TOGARAM1: variants seen among roughly 807,000 people sequenced by gnomAD.
TOGARAM1 encodes TOG array regulator of axonemal microtubules protein 1.
A neutral mutation model predicts 166.6 loss-of-function variants in TOGARAM1; 100 were observed. The ratio of observed to expected loss-of-function variants is 0.60; its 90% CI spans 0.51 to 0.71. The LOEUF is 0.71. Ranked by LOEUF, TOGARAM1 falls within the 30% of genes least tolerant of loss-of-function variation. TOGARAM1 has a pLI of 0.00. For synonymous variants in TOGARAM1, 758 were observed against 763.8 expected (o/e 0.99, Z 0.13); for missense variants, 2,029 against 2,102.7 (o/e 0.96, Z 0.69).
At chr14:44,971,688 A>G (rs1205375772) in intron 1 of TOGARAM1, among the ~76,000 whole-genome samples, 2 of 152,202 alleles carry the variant, frequency 1.3e-5, no homozygotes, top group African/African-American at 2.4e-5. Flanking sequence ...CTTCAGTGCC[A>G]TAAATTTCCT....
chr14:44,982,805 T>C (rs1886602405), intron 1 of TOGARAM1, among the ~76,000 whole-genome samples: 1 of 152,240 alleles, frequency 6.6e-6, no homozygotes, highest in Non-Finnish European at 1.5e-5. Context: ...ATTTAGCACA[T>C]GTGAGTCATT....
chr14:44,970,625 AGTG>A (rs939784612), intron 1 of TOGARAM1, among the ~76,000 whole-genome samples: 8 of 152,296 alleles, frequency 5.3e-5, no homozygotes, highest in Non-Finnish European at 1.2e-4. Flanking sequence ...TTCTAATCTT[AGTG>A]GGAAAGTTTT....
At chr14:45,064,066 T>C (rs1486312565) in intron 16 of TOGARAM1, among the ~76,000 whole-genome samples, 25 of 152,150 alleles carry the variant, frequency 1.6e-4, no homozygotes, top group Non-Finnish European at 2.9e-5. Context: ...TTAGTAATTT[T>C]CTATCCACTG....
intron 16 of TOGARAM1, among the ~76,000 whole-genome samples, chr14:45,065,373 T>C (rs1232162228): frequency 6.6e-6 from 1 of 152,056 alleles, no homozygotes; most frequent in Non-Finnish European, 1.5e-5. Flanking sequence ...ACACCAACAC[T>C]AATGATGGCT....
At chr14:45,063,259 T>C (rs934696000) in intron 16 of TOGARAM1, among the ~76,000 whole-genome samples, 4 of 152,170 alleles carry the variant, frequency 2.6e-5, no homozygotes, top group African/African-American at 9.7e-5. Flanking sequence ...TTTGGTTTTG[T>C]TGTGGACATA....
intron 1 of TOGARAM1, among the ~76,000 whole-genome samples, chr14:44,970,235 C>T (rs1457445236): frequency 1.3e-5 from 2 of 152,138 alleles, no homozygotes; most frequent in Non-Finnish European, 2.9e-5. Flanking sequence ...TCTATACTTT[C>T]CTCATATAGA....
chr14:45,065,345 C>T (rs1883091194), intron 16 of TOGARAM1, among the ~76,000 whole-genome samples: 2 of 152,088 alleles, frequency 1.3e-5, no homozygotes, highest in Admixed American at 6.6e-5. Flanking sequence ...GAAGAATTGT[C>T]TTGGCCACAC....
intron 12 of TOGARAM1, among the ~76,000 whole-genome samples, chr14:45,044,360 G>T (rs540582785): frequency 6.6e-6 from 1 of 152,084 alleles, no homozygotes; most frequent in African/African-American, 2.4e-5. Flanking sequence ...GCCCAACATG[G>T]CAAAACCCCA....
intron 16 of TOGARAM1, among the ~76,000 whole-genome samples, chr14:45,061,078 A>G (rs560214005): frequency 2.9e-4 from 44 of 152,174 alleles, no homozygotes; most frequent in African/African-American, 9.4e-4. Context: ...GATTTCTTCT[A>G]TATTCATTGG....
chr14:44,962,547 G>A lies in TOGARAM1; in HGVS notation c.126G>A (p.Met42Ile), dbSNP rs944217909. Residue 42 changes from methionine to isoleucine, a missense_variant, in exon 1 of 20, where the codon ATG becomes ATA. By Grantham distance (10) the Met-to-Ile change is conservative. Around this residue, in one of 2 missense-constraint regions of TOGARAM1, gnomAD observed 1,453 missense variants for 1,432.2 expected, o/e 1.01. Transcript: ENST00000361462. ...ATGATAGTCGAGTTGGGGGCATTAT[G>A]AGAGGAGAGAAAAACTACTACTTCC... ...ETDDSRVGGI[M>I]RGEKNYYFRG... 2 of 1,613,980 alleles carry A rather than the reference G, an allele frequency of 1.2e-6. No individual in the cohort carries two copies. Among genetic ancestry groups the A allele is most frequent in the Non-Finnish European group, 1.7e-6 (2 of 1,179,976 alleles).
At chr14:44,996,651 A>G (rs944615048) in intron 2 of TOGARAM1, 1 of 152,422 alleles carries the variant, frequency 6.6e-6, no homozygotes, top group African/African-American at 2.4e-5. Context: ...TCACACTGCC[A>G]TAAAGACATA....
chr14:45,022,217 T>G (rs1880561881), intron 7 of TOGARAM1, among the ~76,000 whole-genome samples: 2 of 151,876 alleles, frequency 1.3e-5, no homozygotes, highest in Non-Finnish European at 2.9e-5. Flanking sequence ...ATCTGGGAAT[T>G]ATTTCATGAA....
chr14:44,963,305 A>T lies in TOGARAM1; in HGVS notation c.884A>T (p.Tyr295Phe). ...CTTGGCCAAGACAGGTTTCAATCTT[A>T]CATTTCTCGTCTGCCCTCTGCCCTG... ...ERLGQDRFQS[Y>F]ISRLPSALRR... Residue 295 changes from tyrosine (Y) to phenylalanine (F), a missense_variant, in exon 1 of 20, where the codon TAC (tyrosine) becomes TTC (phenylalanine). Transcript: ENST00000361462. 6.2e-7 allele frequency: 1 copy of T among 1,614,186 alleles called. No homozygotes were observed. Among genetic ancestry groups the T allele is most frequent in the Non-Finnish European group, 8.5e-7 (1 of 1,180,032 alleles).
intron 2 of TOGARAM1, chr14:44,996,315 G>A (rs890133871): frequency 6.5e-6 from 1 of 152,744 alleles, no homozygotes; most frequent in Non-Finnish European, 1.5e-5. Context: ...AATATTTGAA[G>A]CAAACCACTG....
intron 16 of TOGARAM1, among the ~76,000 whole-genome samples, chr14:45,060,037 T>G (rs1437937650): frequency 6.6e-6 from 1 of 151,284 alleles, no homozygotes; most frequent in Non-Finnish European, 1.5e-5. Context: ...CCCAGCCTCC[T>G]GAGTAGCTGG....
chr14:45,028,756 T>TA (rs1325430116), intron 10 of TOGARAM1, among the ~76,000 whole-genome samples: 1 of 152,170 alleles, frequency 6.6e-6, no homozygotes, highest in Non-Finnish European at 1.5e-5. Flanking sequence ...CCTGGTGTTG[T>TA]TTTTTAAAAT....
At position 44,962,487 on chromosome 14, in the gene TOGARAM1, C is replaced by T. The variant is rs1259227635; in HGVS notation, c.66C>T (p.Leu22=). ...PPFPVLSTYR[L]QSRSRPSAPE... is the part of the protein sequence containing the mutation. Reference sequence around the variant, plus strand: ...TTCCAGTCCTCTCTACCTATCGGCTCCAGAGCCGCAGTCGTCCTTCCGCCC... The same window carrying T: ...TTCCAGTCCTCTCTACCTATCGGCTTCAGAGCCGCAGTCGTCCTTCCGCCC... The change falls in exon 1 of 20, where the codon CTC becomes CTT. Residue 22 remains leucine, a synonymous_variant. Transcript: ENST00000361462. 1.1e-5 allele frequency: 18 copies of T among 1,610,266 alleles called. No homozygotes were observed. Among genetic ancestry groups the T allele is most frequent in the Non-Finnish European group, 1.4e-5 (17 of 1,178,676 alleles).
chr14:44,975,754 A>G (rs1468035889), intron 1 of TOGARAM1, among the ~76,000 whole-genome samples: 1 of 142,780 alleles, frequency 7.0e-6, no homozygotes, highest in Non-Finnish European at 1.5e-5. Context: ...GATGTGAGCC[A>G]TCATGCCCGG....
At chr14:45,002,210 A>G (rs1386307327) in intron 3 of TOGARAM1, among the ~76,000 whole-genome samples, 1 of 152,160 alleles carries the variant, frequency 6.6e-6, no homozygotes, top group Non-Finnish European at 1.5e-5. Context: ...ATCTTTCTTA[A>G]TAATGTGGGT....
Sources: allele counts gnomAD v4.1 joint callset (sites outside exome capture counted in the v4.1 genomes callset), GRCh38; gene constraint gnomAD v4.1.1; regional missense constraint gnomAD v4.1.1; transcripts MANE v1.5; gene names NCBI Gene and HGNC (gene_info 2026-07-23, HGNC 2026-07-21).